Variants in VEPH1 observed in about 807,000 individuals in gnomAD.
VEPH1 encodes ventricular zone-expressed PH domain-containing protein homolog 1.
Under a neutral mutation model 85.2 loss-of-function variants are expected in VEPH1, and 80 were observed. The observed-to-expected ratio is 0.94, with a 90% confidence interval of 0.78 to 1.13. VEPH1 has a LOEUF of 1.13. Among genes scored for constraint, VEPH1 ranks in the 50% most tolerant of loss-of-function variants. The pLI is 0.00. For missense variants in VEPH1, 955 were observed against 980.5 expected (o/e 0.97, Z 0.35); for synonymous variants, 297 against 348.0 (o/e 0.85, Z 1.63).
chr3:157,266,156 T>C (rs1713612656), intron 12 of VEPH1, among the ~76,000 whole-genome samples: 1 of 150,934 alleles, frequency 6.6e-6, no homozygotes, highest in Non-Finnish European at 1.5e-5. Context: ...TAAATAATCA[T>C]AAACCCAAGT....
chr3:157,292,811 A>G (rs1367989240), intron 11 of VEPH1, among the ~76,000 whole-genome samples: 2 of 12,888 alleles, frequency 1.6e-4, no homozygotes, highest in Non-Finnish European at 2.5e-4. Flanking sequence ...CTCTCTACTA[A>G]AAAAAAAAAA....
chr3:157,399,943 T>G (rs976906533), intron 6 of VEPH1, among the ~76,000 whole-genome samples: 6 of 152,166 alleles, frequency 3.9e-5, no homozygotes, highest in Admixed American at 3.9e-4. Context: ...TTCTTTCTTT[T>G]ATTTTTTGAT....
chr3:157,324,244 G>A (rs567580246), intron 9 of VEPH1, among the ~76,000 whole-genome samples: 3 of 152,218 alleles, frequency 2.0e-5, no homozygotes, highest in African/African-American at 7.2e-5. Context: ...TTTTAGTAGA[G>A]ATGGGGTTTC....
intron 4 of VEPH1, among the ~76,000 whole-genome samples, chr3:157,448,184 CAG>C (rs1189087378): frequency 4.6e-5 from 7 of 151,888 alleles, no homozygotes; most frequent in Non-Finnish European, 1.5e-5. Context: ...TTGTCTCACA[CAG>C]AGAAAAAATG....
At chr3:157,331,748 C>T (rs1030333103) in intron 9 of VEPH1, among the ~76,000 whole-genome samples, 1 of 152,162 alleles carries the variant, frequency 6.6e-6, no homozygotes, top group African/African-American at 2.4e-5. Flanking sequence ...TATGGTTGTA[C>T]TTGCAGATTT....
intron 4 of VEPH1, among the ~76,000 whole-genome samples, chr3:157,450,048 C>CTTTTTTTTTTTTTTT (rs761761440): frequency 9.1e-5 from 7 of 77,322 alleles, no homozygotes; most frequent in African/African-American, 3.3e-4. Context: ...AGAATATTTA[C>CTTTTTTTTTTTTTTT]TTTTTTTTTT....
At chr3:157,264,981 A>G (rs996063850) in intron 13 of VEPH1, among the ~76,000 whole-genome samples, 1 of 152,212 alleles carries the variant, frequency 6.6e-6, no homozygotes, top group African/African-American at 2.4e-5. Context: ...ATTCAAATGG[A>G]AAATTATATT....
intron 9 of VEPH1, among the ~76,000 whole-genome samples, chr3:157,323,463 G>A (rs1425819067): frequency 1.3e-5 from 2 of 152,168 alleles, no homozygotes; most frequent in East Asian, 3.8e-4. Context: ...ATGGAAAAGA[G>A]GACTTGCCTA....
chr3:157,278,217 G>T (rs1303743743), intron 12 of VEPH1, among the ~76,000 whole-genome samples: 1 of 152,172 alleles, frequency 6.6e-6, no homozygotes, highest in Non-Finnish European at 1.5e-5. Context: ...GCATCGGGGG[G>T]TTACAAAAGG....
At chr3:157,501,689 C>T (rs184703450) in intron 1 of VEPH1, among the ~76,000 whole-genome samples, 41 of 152,304 alleles carry the variant, frequency 2.7e-4, no homozygotes, top group Non-Finnish European at 5.4e-4. Context: ...GGGGAGATTT[C>T]AATCACCATA....
At position 157,307,467 on chromosome 3, in the gene VEPH1, G is replaced by C. The variant is rs149074802; in HGVS notation, c.2010+6154C>G. ...TGAAGGATCTACTTTTATCTTTTCAGCTTGGAAAAGTTACATGTCCTTACA... is the reference window on the plus strand; with the variant it reads ...TGAAGGATCTACTTTTATCTTTTCACCTTGGAAAAGTTACATGTCCTTACA... On this transcript the variant is annotated intron_variant, in intron 11 of 13. Transcript: ENST00000362010. Among the ~76,000 whole-genome samples the C allele has an allele frequency of 3.4e-4, 51 of 152,000 alleles. No homozygotes were observed. In the East Asian group the frequency reaches 7.7e-3, roughly 23 times the overall value.
chr3:157,421,074 C>G (rs1732297742), intron 5 of VEPH1, among the ~76,000 whole-genome samples: 1 of 152,176 alleles, frequency 6.6e-6, no homozygotes, highest in African/African-American at 2.4e-5. Flanking sequence ...CTGCCTCCTT[C>G]CATCTGGCAA....
chr3:157,276,825 T>C (rs10804777), intron 12 of VEPH1, among the ~76,000 whole-genome samples: 75,741 of 151,832 alleles, frequency 0.5, 19,787 homozygotes, highest in Admixed American at 0.62. Context: ...AAGATTTGCC[T>C]GGGACTGCTG....
At chr3:157,447,561 A>C (rs2109281423) in intron 4 of VEPH1, among the ~76,000 whole-genome samples, 1 of 151,970 alleles carries the variant, frequency 6.6e-6, no homozygotes, top group East Asian at 1.9e-4. Flanking sequence ...GAGATTATGA[A>C]ACTCCATGAG....
intron 2 of VEPH1, among the ~76,000 whole-genome samples, chr3:157,477,050 C>T (rs1560096020): frequency 6.6e-6 from 1 of 152,122 alleles, no homozygotes; most frequent in African/African-American, 2.4e-5. Context: ...GTTATAGTTG[C>T]AAATAATTAT....
chr3:157,305,879 G>A (rs1719461469), intron 11 of VEPH1, among the ~76,000 whole-genome samples: 1 of 152,186 alleles, frequency 6.6e-6, no homozygotes, highest in Non-Finnish European at 1.5e-5. Context: ...CATGTTCTTC[G>A]TTCATTGATT....
chr3:157,307,670 C>G (rs973963034), intron 11 of VEPH1, among the ~76,000 whole-genome samples: 7 of 151,810 alleles, frequency 4.6e-5, no homozygotes, highest in Admixed American at 3.9e-4. Flanking sequence ...TTTCCTCCCC[C>G]ACAGTCTTTC....
At chr3:157,384,295 C>CAA (rs1729070101) in intron 6 of VEPH1, among the ~76,000 whole-genome samples, 1 of 152,094 alleles carries the variant, frequency 6.6e-6, no homozygotes, top group African/African-American at 2.4e-5. Context: ...CCTTAGAAAA[C>CAA]AATTACCATA....
intron 4 of VEPH1, 53 bp downstream of exon 4, chr3:157,460,128 T>C: frequency 1.2e-6 from 2 of 1,613,990 alleles, no homozygotes; most frequent in Non-Finnish European, 1.7e-6. Flanking sequence ...TTGATGAAAA[T>C]ACTTTTAAAT....
Sources: allele counts gnomAD v4.1 joint callset (sites outside exome capture counted in the v4.1 genomes callset), GRCh38; gene constraint gnomAD v4.1.1; transcripts MANE v1.5; gene names NCBI Gene and HGNC (gene_info 2026-07-23, HGNC 2026-07-21).